SPATC1: variants seen among roughly 807,000 people sequenced by gnomAD.
The protein encoded by SPATC1 is speriolin.
A neutral mutation model predicts 36.5 loss-of-function variants in SPATC1; 35 were observed. The observed-to-expected ratio is 0.96, with a 90% CI of 0.73 to 1.27. The LOEUF is 1.27. SPATC1 is among the 50% of genes most tolerant of loss of function. The probability of loss-of-function intolerance (pLI) is 0.00; values close to 1 mark genes in which losing one functional copy is unlikely to be tolerated. For missense variants in SPATC1, 779 were observed against 796.0 expected, an observed-to-expected ratio of 0.98 and a Z score of 0.26; for synonymous variants, 361 against 353.6, an observed-to-expected ratio of 1.02 and a Z score of -0.24.
upstream of SPATC1, among the ~76,000 whole-genome samples, chr8:144,011,000 G>A (rs1834277064): frequency 6.6e-6 from 1 of 151,920 alleles, no homozygotes; most frequent in Non-Finnish European, 1.5e-5. Flanking sequence ...CTCCTTTAAA[G>A]TCAACATCTT....
At chr8:144,044,109 C>A (rs1264731145) in intron 4 of SPATC1, among the ~76,000 whole-genome samples, 1 of 152,194 alleles carries the variant, frequency 6.6e-6, no homozygotes, top group Non-Finnish European at 1.5e-5. Flanking sequence ...GTACACCAGG[C>A]AGTCCTGAGT....
rs782817930 is a variant in SPATC1, at chr8:144,040,414, C to T, written c.717C>T (p.Pro239=). Residue 239 remains proline (P), a synonymous_variant, in exon 2 of 5, where the codon CCC becomes CCT. Coordinates refer to ENST00000377470, the MANE Select transcript of SPATC1 (RefSeq NM_198572.3). The part of the protein sequence containing the change: ...LRLAEPLRGG[P]TGPQSPACVV... Reference sequence around the variant, plus strand: ...TGGCTGAGCCACTCCGCGGAGGCCCCACTGGGCCCCAGTCCCCAGCTTGCG... The same window carrying T: ...TGGCTGAGCCACTCCGCGGAGGCCCTACTGGGCCCCAGTCCCCAGCTTGCG... 13 of 1,609,932 alleles carry T rather than the reference C, an allele frequency of 8.1e-6. No homozygotes were observed. The African/African-American group carries it at 1.6e-4, about 20-fold the overall frequency.
At position 144,039,994 on chromosome 8, in the gene SPATC1, G is replaced by A. The variant is rs782396027; in HGVS notation, c.297G>A (p.Glu99=). 2.2e-5 allele frequency: 36 copies of A among 1,613,844 alleles called. No individual in the cohort carries two copies. Among genetic ancestry groups the A allele is most frequent in the Non-Finnish European group, 3.0e-5 (35 of 1,180,004 alleles). Residue 99 remains glutamate, a synonymous_variant, in exon 2 of 5, where the codon GAG becomes GAA. Transcript: ENST00000377470. ...TCATGGCCTTGGCACCCCTGGCCGA[G>A]ATGCTAACCAGCTTGCAGCCCAGCG... ...VGIMALAPLA[E]MLTSLQPSAT... is the part of the protein sequence containing the mutation.
chr8:144,044,853 G>A (rs906886119), intron 4 of SPATC1, among the ~76,000 whole-genome samples: 15 of 152,178 alleles, frequency 9.9e-5, no homozygotes, highest in African/African-American at 3.6e-4. Flanking sequence ...GGAGGCTGAG[G>A]CAGAAGAATT....
intron 1 of SPATC1, among the ~76,000 whole-genome samples, chr8:144,020,662 C>CA (rs1834499567): frequency 6.8e-6 from 1 of 146,666 alleles, no homozygotes; most frequent in African/African-American, 2.5e-5. Flanking sequence ...AGGACCCTCC[C>CA]CGCCAGGACC....
At position 144,031,399 on chromosome 8, in the gene SPATC1, C is replaced by G. The variant is rs1036665503; in HGVS notation, c.212-8510C>G. ...TTTGCTGTTAATCTTATAGAGGATC[C>G]CTTGTACATGATGAGTCACTTCTCT... is the stretch of plus-strand genomic sequence containing the variant. On this transcript the variant is annotated intron_variant, in intron 1 of 4. Transcript: ENST00000377470. Among the ~76,000 whole-genome samples the G allele has an allele frequency of 4.0e-5, 6 of 151,308 alleles. No individual in the cohort carries two copies. The East Asian group carries it at 5.8e-4, about 15-fold the overall frequency.
chr8:144,046,692 T>A lies in SPATC1; in HGVS notation c.1512T>A (p.Tyr504Ter). 6.2e-7 allele frequency: 1 copy of A among 1,612,456 alleles called. No homozygotes were observed. The highest frequency in any genetic ancestry group is 1.1e-5 in the South Asian group (1 of 91,064). ...TGTGCCAGAGGCTCACACAGCGCTA[T>A]GTGAGCGTCATGAACAGGCTGCAGA... ...EKLCQRLTQR[Y>*]VSVMNRLQSL... The change falls in exon 5 of 5, where the codon TAT becomes TAA. Residue 504 changes from tyrosine to a stop codon, truncating the protein, a stop_gained. Transcript: ENST00000377470. LOFTEE classifies it high-confidence loss of function. The surrounding 1 kb of genome is among the most constrained non-coding windows in gnomAD (Gnocchi z 6.6).
intron 1 of SPATC1, among the ~76,000 whole-genome samples, chr8:144,037,911 T>C (rs141104961): frequency 0.045 from 6,805 of 151,548 alleles, 399 homozygotes; most frequent in African/African-American, 0.14. Flanking sequence ...GGGCAGATCA[T>C]GAGGTCAGGA....
At chr8:144,014,255 A>G (rs1276938420) in intron 1 of SPATC1, among the ~76,000 whole-genome samples, 2 of 148,926 alleles carry the variant, frequency 1.3e-5, no homozygotes, top group Admixed American at 6.6e-5. Flanking sequence ...TTGAAAGAAA[A>G]AGAAGGAAAG....
intron 1 of SPATC1, among the ~76,000 whole-genome samples, chr8:144,027,466 T>C (rs1834708467): frequency 6.6e-6 from 1 of 152,228 alleles, no homozygotes; most frequent in Non-Finnish European, 1.5e-5. Flanking sequence ...CCAATTTATC[T>C]ATTGTTTCGC....
At chr8:144,020,627 TCC>T (rs2133105437) in intron 1 of SPATC1, among the ~76,000 whole-genome samples, 1 of 143,746 alleles carries the variant, frequency 7.0e-6, no homozygotes, top group Admixed American at 7.0e-5. Context: ...TTCAGGACCC[TCC>T]TCCCTGAGTA....
intron 1 of SPATC1, among the ~76,000 whole-genome samples, chr8:144,035,191 GCCTGCCCT>G (rs1834873773): frequency 6.6e-6 from 1 of 152,184 alleles, no homozygotes; most frequent in Non-Finnish European, 1.5e-5. Flanking sequence ...CCCCAGGCCC[GCCTGCCCT>G]CCCCCATCAA....
At chr8:144,031,858 A>T (rs1834804061) in intron 1 of SPATC1, among the ~76,000 whole-genome samples, 1 of 150,940 alleles carries the variant, frequency 6.6e-6, no homozygotes, top group South Asian at 2.1e-4. Context: ...AGCTAGGACC[A>T]CAGGCATGTG....
Position 144,040,834 on chromosome 8 carries a change from G to A in SPATC1, c.1033G>A (p.Val345Ile). 2 of 1,530,520 alleles carry A rather than the reference G, an allele frequency of 1.3e-6. No individual in the cohort carries two copies. The highest frequency in any genetic ancestry group is 1.2e-5 in the South Asian group (1 of 83,160). The allele number at this position is 1,530,520 out of a possible 1,614,324, so 94.8% of individuals were successfully genotyped here. A position where few individuals can be genotyped will look rare whatever the true frequency, so the allele number is the denominator to read the frequency against. The change falls in exon 3 of 5, where the codon GTT becomes ATT. Residue 345 changes from valine to isoleucine, a missense_variant. Val to Ile is a conservative substitution (Grantham distance 29). Transcript: ENST00000377470. ...LASAPALAPQ[V>I]ATSYTPSSTT... ...CTCTGCCCCCGCCCTTGCCCCCCAG[G>A]TTGCCACCAGCTACACACCCTCAAG...
In SPATC1 at chr8:144,045,553, A is replaced by C. The variant is rs1459575799; in HGVS notation, c.1447-1074A>C. Among the ~76,000 whole-genome samples, 7 of 152,164 alleles carry C rather than the reference A, an allele frequency of 4.6e-5. No homozygotes were observed. The highest frequency in any genetic ancestry group is 1.7e-4 in the African/African-American group (7 of 41,444). On this transcript the variant is annotated intron_variant, in intron 4 of 4. Transcript: ENST00000377470. The surrounding 1 kb of genome is among the most constrained non-coding windows in gnomAD (Gnocchi z 5.2). ...CAGGACATAGCTGGAAGAGGGGTGC[A>C]GGGACAGATGGGGGGACACTGGAGG...
chr8:144,037,822 TAA>T (rs782144348), intron 1 of SPATC1, among the ~76,000 whole-genome samples: 8 of 130,388 alleles, frequency 6.1e-5, no homozygotes, highest in African/African-American at 8.5e-5. Flanking sequence ...ATAGATTAAT[TAA>T]AAAAAAAAAA....
chr8:144,028,702 G>T (rs1337043916), intron 1 of SPATC1, among the ~76,000 whole-genome samples: 1 of 151,994 alleles, frequency 6.6e-6, no homozygotes, highest in Non-Finnish European at 1.5e-5. Context: ...CCCATTACTG[G>T]GTATATACCC....
intron 1 of SPATC1, among the ~76,000 whole-genome samples, chr8:144,026,809 CTT>C (rs1230432833): frequency 3.8e-5 from 5 of 131,912 alleles, no homozygotes; most frequent in Admixed American, 7.5e-5. Flanking sequence ...CTTTCTTTTT[CTT>C]TTTTTTTTTT....
At position 144,019,097 on chromosome 8, in the gene SPATC1, G is replaced by A. The variant is rs1834452474; in HGVS notation, c.211+6371G>A. 2.6e-5 allele frequency among the ~76,000 whole-genome samples: 4 copies of A among 151,704 alleles called. No homozygotes were observed. The South Asian group carries it at 8.3e-4, about 32-fold the overall frequency. ...GAAGGAACTGAGAGGAGAACTTGGA[G>A]GGTCTGTCTGGATGTATAGTGGGCT... On this transcript the variant is annotated intron_variant, in intron 1 of 4. Transcript: ENST00000377470.
Sources: allele counts gnomAD v4.1 joint callset (sites outside exome capture counted in the v4.1 genomes callset), GRCh38; gene constraint gnomAD v4.1.1; non-coding constraint Gnocchi (gnomAD v3.1); transcripts MANE v1.5; gene names NCBI Gene and HGNC (gene_info 2026-07-23, HGNC 2026-07-21).